AGBL4: variants seen among roughly 807,000 people sequenced by gnomAD.
The protein encoded by AGBL4 is cytosolic carboxypeptidase 6.
AGBL4 carries 58 observed loss-of-function variants against 66.4 expected under a neutral mutation model. That is an observed-to-expected ratio of 0.87 (90% CI 0.71 to 1.09). The LOEUF (loss-of-function observed/expected upper bound fraction) is 1.09, where lower values mean the gene tolerates loss of function less well. Among genes scored for constraint, AGBL4 ranks in the 50% least tolerant of loss-of-function variants. The pLI is 0.00. For missense variants in AGBL4, 579 were observed against 631.0 expected (o/e 0.92, Z 0.88); for synonymous variants, 234 against 222.9 (o/e 1.05, Z -0.44).
intron 1 of AGBL4, among the ~76,000 whole-genome samples, chr1:50,016,279 A>T (rs963708032): frequency 7.9e-5 from 12 of 152,140 alleles, no homozygotes; most frequent in African/African-American, 2.9e-4. Context: ...ACAAATTAAC[A>T]GGCTGGGCGT....
chr1:49,786,371 C>T (rs1442359693), intron 2 of AGBL4, among the ~76,000 whole-genome samples: 2 of 152,140 alleles, frequency 1.3e-5, no homozygotes, highest in African/African-American at 2.4e-5. Flanking sequence ...TATTATCCCA[C>T]AGTTTCTATG....
Position 49,909,828 on chromosome 1 carries a change from G to A in AGBL4, c.35-58310C>T, listed in dbSNP as rs917337495. On this transcript the variant is annotated intron_variant, in intron 1 of 13. Transcript: ENST00000371839. ...GATATAGATTGCTAGAGAAAGAGAG[G>A]ATTTAAGAATAACTTCAAGGTTTCT... Among the ~76,000 whole-genome samples, 5 of 152,286 alleles carry A rather than the reference G, an allele frequency of 3.3e-5. No individual in the cohort carries two copies. The East Asian group carries it at 9.6e-4, about 29-fold the overall frequency.
At chr1:48,694,048 CAAAAAAAAAAAA>C (rs61574470) in intron 6 of AGBL4, among the ~76,000 whole-genome samples, 2 of 56,978 alleles carry the variant, frequency 3.5e-5, no homozygotes, top group Non-Finnish European at 8.6e-5. Flanking sequence ...TTTCCCTATT[CAAAAAAAAAAAA>C]AAAAAAAAAG....
At chr1:49,880,833 C>A (rs1647221235) in intron 1 of AGBL4, among the ~76,000 whole-genome samples, 2 of 151,926 alleles carry the variant, frequency 1.3e-5, no homozygotes, top group South Asian at 2.1e-4. Context: ...GTAGGGCCCT[C>A]CGAGCCAGGT....
chr1:49,237,160 G>T (rs1650821011), intron 4 of AGBL4, among the ~76,000 whole-genome samples: 1 of 151,830 alleles, frequency 6.6e-6, no homozygotes, highest in African/African-American at 2.4e-5. Flanking sequence ...CTACTTGGGA[G>T]GCTGAGGCAG....
chr1:49,222,046 G>C (rs1486823262), intron 4 of AGBL4, among the ~76,000 whole-genome samples: 1 of 152,068 alleles, frequency 6.6e-6, no homozygotes, highest in Non-Finnish European at 1.5e-5. Flanking sequence ...TTAATTGCAA[G>C]AACCATTCTA....
chr1:49,838,288 G>A (rs1218126105), intron 2 of AGBL4, among the ~76,000 whole-genome samples: 1 of 152,164 alleles, frequency 6.6e-6, no homozygotes, highest in African/African-American at 2.4e-5. Flanking sequence ...ATGAATGTAG[G>A]TGTAGCCACT....
At chr1:49,995,224 C>T (rs1330041658) in intron 1 of AGBL4, 2 of 456,160 alleles carry the variant, frequency 4.4e-6, no homozygotes, top group South Asian at 1.5e-5. Flanking sequence ...AAGCTGCTTG[C>T]TTTCTCAGTG....
intron 3 of AGBL4, among the ~76,000 whole-genome samples, chr1:49,686,596 A>G (rs571110932): frequency 6.6e-6 from 1 of 152,288 alleles, no homozygotes; most frequent in South Asian, 2.1e-4. Context: ...GCTCCTATCT[A>G]TTGTCTTTAT....
At chr1:49,882,154 C>T (rs1647404729) in intron 1 of AGBL4, among the ~76,000 whole-genome samples, 1 of 151,550 alleles carries the variant, frequency 6.6e-6, no homozygotes, top group Admixed American at 6.6e-5. Context: ...AATCCTTTCC[C>T]CATTGCTTGT....
chr1:49,302,195 TA>T lies in AGBL4; in HGVS notation c.283-56332del, dbSNP rs139073744. The stretch of plus-strand genomic sequence containing the variant: ...GTCACATTTAGCTTTATATTGTCAT[TA>T]AAAAAAAAACTCTTGAAATTAATGA... On this transcript the variant is annotated intron_variant, in intron 3 of 13. Coordinates refer to ENST00000371839, the MANE Select transcript of AGBL4 (RefSeq NM_032785.4). 3.5e-3 allele frequency among the ~76,000 whole-genome samples: 521 copies of T among 147,154 alleles called. 2 individuals carry two copies. Among genetic ancestry groups the T allele is most frequent in the Non-Finnish European group, 4.5e-3 (299 of 66,534 alleles).
rs1386965115 is a variant in AGBL4 at position 49,011,359 on chromosome 1, A to G, written c.594+34225T>C. Among the ~76,000 whole-genome samples the G allele has an allele frequency of 5.9e-5, 9 of 151,694 alleles. No homozygotes were observed. In the South Asian group the frequency reaches 1.2e-3, roughly 21 times the overall value. ...CCATCTCACACCAGTTAGAATGGCA[A>G]TCATTAAAAAGTCAGGAAACAACAG... is the stretch of plus-strand genomic sequence containing the variant. On this transcript the variant is annotated intron_variant, in intron 5 of 13. Coordinates refer to ENST00000371839, the MANE Select transcript of AGBL4 (RefSeq NM_032785.4).
chr1:49,054,021 A>C (rs1644266677), intron 4 of AGBL4, among the ~76,000 whole-genome samples: 1 of 152,132 alleles, frequency 6.6e-6, no homozygotes, highest in African/African-American at 2.4e-5. Flanking sequence ...ATATGATTGA[A>C]ATTATTCTAG....
At chr1:49,744,265 G>C (rs1349463190) in intron 2 of AGBL4, among the ~76,000 whole-genome samples, 1 of 152,028 alleles carries the variant, frequency 6.6e-6, no homozygotes, top group African/African-American at 2.4e-5. Flanking sequence ...ATGAGATCTA[G>C]TTGTTGAAAA....
At chr1:48,782,244 C>A (rs1465101031) in intron 6 of AGBL4, among the ~76,000 whole-genome samples, 3 of 152,190 alleles carry the variant, frequency 2.0e-5, no homozygotes, top group African/African-American at 7.2e-5. Context: ...GCCTTTCATC[C>A]AAGTCATTTT....
chr1:49,027,031 C>G (rs1157196736), intron 5 of AGBL4, among the ~76,000 whole-genome samples: 4 of 152,064 alleles, frequency 2.6e-5, no homozygotes, highest in African/African-American at 9.7e-5. Context: ...CAACAGAGGA[C>G]TTAAGTCAAA....
At chr1:48,751,850 G>A (rs1171776006) in intron 6 of AGBL4, among the ~76,000 whole-genome samples, 3 of 152,180 alleles carry the variant, frequency 2.0e-5, no homozygotes, top group Admixed American at 2.0e-4. Flanking sequence ...GGAGTCTAGG[G>A]AGAAAGGGGA....
intron 5 of AGBL4, among the ~76,000 whole-genome samples, chr1:48,982,450 G>T (rs1557525644): frequency 6.6e-6 from 1 of 151,894 alleles, no homozygotes; most frequent in African/African-American, 2.4e-5. Context: ...GAGGTGTTTG[G>T]TTTTTTTGTC....
intron 5 of AGBL4, among the ~76,000 whole-genome samples, chr1:48,880,254 A>G (rs1215623353): frequency 1.3e-5 from 2 of 152,194 alleles, no homozygotes; most frequent in East Asian, 1.9e-4. Flanking sequence ...ACTCAGAATA[A>G]TAGTCTCCAA....
Sources: gnomAD v4.1 joint callset for allele counts (sites outside exome capture counted in the v4.1 genomes callset) on GRCh38, gnomAD v4.1.1 for gene constraint, MANE v1.5 for transcripts, NCBI Gene and HGNC (gene_info 2026-07-23, HGNC 2026-07-21) for gene names.